Variants in SPSB1 observed in about 807,000 individuals in gnomAD.
SPSB1 encodes splA/ryanodine receptor domain and SOCS box containing 1.
In SPSB1, 8 loss-of-function variants were observed where a neutral mutation model predicts 21.2. That is an observed-to-expected ratio of 0.38 (90% CI 0.22 to 0.68). The LOEUF is 0.68. Ranked by LOEUF, SPSB1 falls within the 30% of genes least tolerant of loss-of-function variation. The pLI, the probability that SPSB1 is intolerant of heterozygous loss-of-function variation, is 0.53. For missense variants in SPSB1, 242 were observed against 377.8 expected, an observed-to-expected ratio of 0.64 and a Z score of 2.98; for synonymous variants, 169 against 161.7, an observed-to-expected ratio of 1.05 and a Z score of -0.34.
At chr1:9,328,582 CG>C in intron 1 of SPSB1, among the ~76,000 whole-genome samples, 1 of 152,340 alleles carries the variant, frequency 6.6e-6, no homozygotes, top group Middle Eastern at 3.4e-3. Flanking sequence ...ACATCTCGTT[CG>C]GGGTAACCCA....
At position 9,317,835 on chromosome 1, in the gene SPSB1, C is replaced by T. The variant is rs1639639952; in HGVS notation, c.-150+24764C>T. Among the ~76,000 whole-genome samples the T allele has an allele frequency of 1.7e-5, 2 of 114,674 alleles. 1 individual carries two copies. Among genetic ancestry groups the T allele is most frequent in the South Asian group, 6.7e-4 (2 of 2,968 alleles). The allele number at this position is 114,674 out of a possible 152,430, so 75.2% of individuals were successfully genotyped here. A position where few individuals can be genotyped will look rare whatever the true frequency, so the allele number is the denominator to read the frequency against. On this transcript the variant is annotated intron_variant, in intron 1 of 2. Coordinates refer to ENST00000328089, the MANE Select transcript of SPSB1 (RefSeq NM_025106.4). The surrounding 1 kb of genome is among the most constrained non-coding windows in gnomAD (Gnocchi z 4.3). ...AGGTGATTTCCGGTGGCGAGGGAAC[C>T]AATTTTTTTTTTTTTTTTTTTGAGA...
At chr1:9,322,608 G>C (rs531095469) in intron 1 of SPSB1, among the ~76,000 whole-genome samples, 1 of 152,182 alleles carries the variant, frequency 6.6e-6, no homozygotes, top group Non-Finnish European at 1.5e-5. Flanking sequence ...AAGTGGCATC[G>C]TTGCGGACAG....
intron 1 of SPSB1, among the ~76,000 whole-genome samples, chr1:9,328,686 G>A (rs1231357219): frequency 1.3e-5 from 2 of 152,208 alleles, no homozygotes; most frequent in African/African-American, 4.8e-5. Context: ...AGGGTCACAG[G>A]TGTTGGGTCC....
At chr1:9,318,748 C>G (rs536732690) in intron 1 of SPSB1, among the ~76,000 whole-genome samples, 1 of 152,312 alleles carries the variant, frequency 6.6e-6, no homozygotes, top group South Asian at 2.1e-4. Flanking sequence ...AGATCAGGGC[C>G]TCTGTCAGGC....
intron 1 of SPSB1, among the ~76,000 whole-genome samples, chr1:9,316,276 A>G (rs566314823): frequency 6.6e-6 from 1 of 152,136 alleles, no homozygotes; most frequent in Non-Finnish European, 1.5e-5. Flanking sequence ...CCTGTGGGTG[A>G]GTCACCTGCT....
intron 1 of SPSB1, among the ~76,000 whole-genome samples, chr1:9,327,375 G>A (rs1477513756): frequency 2.6e-5 from 4 of 152,140 alleles, no homozygotes; most frequent in Non-Finnish European, 5.9e-5. Flanking sequence ...AAAGTCGATC[G>A]CCAGGCAAGC....
chr1:9,298,256 T>C (rs571966894), intron 1 of SPSB1, among the ~76,000 whole-genome samples: 8 of 152,172 alleles, frequency 5.3e-5, no homozygotes, highest in African/African-American at 1.9e-4. Context: ...AACTTACAGG[T>C]CAAATGAAAA....
rs1330797923 is a variant in SPSB1 at position 9,305,110 on chromosome 1, G to GC, written c.-150+12044dup. 1.3e-5 allele frequency among the ~76,000 whole-genome samples: 2 copies of GC among 152,028 alleles called. No homozygotes were observed. Among genetic ancestry groups the GC allele is most frequent in the Non-Finnish European group, 1.5e-5 (1 of 67,982 alleles). On this transcript the variant is annotated intron_variant, in intron 1 of 2. Transcript: ENST00000328089. The surrounding 1 kb of genome is among the most constrained non-coding windows in gnomAD (Gnocchi z 4.8). Reference sequence around the variant, plus strand: ...TCCCTCTCGCCCTTGTGGCCCATCTGCCCCCTCAGGAGAGTCCCTCTCCTC... The same window carrying GC: ...TCCCTCTCGCCCTTGTGGCCCATCTGCCCCCCTCAGGAGAGTCCCTCTCCTC...
intron 1 of SPSB1, among the ~76,000 whole-genome samples, chr1:9,327,679 C>T (rs1639838858): frequency 6.6e-6 from 1 of 152,170 alleles, no homozygotes; most frequent in African/African-American, 2.4e-5. Flanking sequence ...TGTTTCTTCA[C>T]CATTTCCTAA....
chr1:9,303,837 T>C (rs548957396), intron 1 of SPSB1, among the ~76,000 whole-genome samples: 1 of 152,218 alleles, frequency 6.6e-6, no homozygotes, highest in Non-Finnish European at 1.5e-5. Flanking sequence ...AGATGTCAAC[T>C]TGACTAGACT....
chr1:9,294,168 G>A (rs1207928989), intron 1 of SPSB1, among the ~76,000 whole-genome samples: 1 of 144,290 alleles, frequency 6.9e-6, no homozygotes, highest in African/African-American at 2.5e-5. Flanking sequence ...TTGTGTCTCT[G>A]AGTGTCTGTC....
chr1:9,293,133 G>C lies in SPSB1; in HGVS notation c.-150+62G>C, dbSNP rs1639147867. The C allele has an allele frequency of 1.0e-6, 1 of 975,140 alleles. No individual in the cohort carries two copies. Among genetic ancestry groups the C allele is most frequent in the Non-Finnish European group, 1.2e-6 (1 of 822,252 alleles). 60.4% of individuals were successfully genotyped at this position (975,140 alleles called of 1,614,324 possible). A position where few individuals can be genotyped will look rare whatever the true frequency, so the allele number is the denominator to read the frequency against. On this transcript the variant is annotated intron_variant, in intron 1 of 2. Transcript: ENST00000328089. The surrounding 1 kb of genome is among the most constrained non-coding windows in gnomAD (Gnocchi z 5.1). ...GGCGACCGGCCCGGGAGGGGGAGGC[G>C]CGGGGGGCCGGGCGAGGGCGGACGC...
intron 1 of SPSB1, among the ~76,000 whole-genome samples, chr1:9,319,410 T>G (rs966462823): frequency 6.6e-6 from 1 of 152,010 alleles, no homozygotes; most frequent in Non-Finnish European, 1.5e-5. Context: ...TCCTCCCTCC[T>G]CCTTCCTCCC....
chr1:9,318,429 C>T (rs983364988), intron 1 of SPSB1, among the ~76,000 whole-genome samples: 8 of 152,208 alleles, frequency 5.3e-5, no homozygotes, highest in African/African-American at 9.6e-5. Context: ...CCTCTCCTAT[C>T]GCCCACGAAG....
chr1:9,322,576 A>C (rs1639737952), intron 1 of SPSB1, among the ~76,000 whole-genome samples: 1 of 152,090 alleles, frequency 6.6e-6, no homozygotes, highest in Non-Finnish European at 1.5e-5. Flanking sequence ...GTAGCTGATG[A>C]GTTTTCTTTC....
At position 9,367,040 on chromosome 1, in the gene SPSB1, GT is replaced by G. The variant is rs1557469530; in HGVS notation, c.695-407del. 3.3e-5 allele frequency among the ~76,000 whole-genome samples: 5 copies of G among 152,248 alleles called. No homozygotes were observed. Among genetic ancestry groups the G allele is most frequent in the African/African-American group, 9.6e-5 (4 of 41,466 alleles). On this transcript the variant is annotated intron_variant, in intron 2 of 2. Coordinates refer to ENST00000328089, the MANE Select transcript of SPSB1 (RefSeq NM_025106.4). This position sits in a 1 kb window ranked among gnomAD's most constrained non-coding sequence, Gnocchi z 5.9. ...GCAGCTGCTTGCCTGGACAGGCAGAGTCACCAGTGGGGAAGAGCAGGGATCG... is the reference window on the plus strand; with the variant it reads ...GCAGCTGCTTGCCTGGACAGGCAGAGCACCAGTGGGGAAGAGCAGGGATCG...
intron 1 of SPSB1, among the ~76,000 whole-genome samples, chr1:9,328,983 C>A (rs901222485): frequency 6.6e-6 from 1 of 152,206 alleles, no homozygotes; most frequent in Non-Finnish European, 1.5e-5. Context: ...TAAAATCACC[C>A]AGGTTGAAAA....
chr1:9,312,053 A>G (rs1440604196), intron 1 of SPSB1, among the ~76,000 whole-genome samples: 3 of 151,796 alleles, frequency 2.0e-5, no homozygotes, highest in Admixed American at 6.6e-5. Flanking sequence ...GCGTGATCAT[A>G]GCTCACTGCA....
In SPSB1 at chr1:9,356,049, T is replaced by C; in HGVS notation, c.158T>C (p.Leu53Pro). The C allele has an allele frequency of 6.2e-7, 1 of 1,614,108 alleles. No homozygotes were observed. Among genetic ancestry groups the C allele is most frequent in the Non-Finnish European group, 8.5e-7 (1 of 1,179,994 alleles). ...MPPVSYDVQL[L>P]HSWNNNDRSL... ...CCTGTGTCCTATGATGTCCAGCTGC[T>C]GCATTCATGGAACAACAACGACCGA... is the stretch of plus-strand genomic sequence containing the variant. The change falls in exon 2 of 3, where the codon CTG becomes CCG. Residue 53 changes from leucine to proline, a missense_variant. Leu to Pro is a moderately conservative substitution (Grantham distance 98). Coordinates refer to ENST00000328089, the MANE Select transcript of SPSB1 (RefSeq NM_025106.4). The surrounding 1 kb of genome is among the most constrained non-coding windows in gnomAD (Gnocchi z 7.4).
Sources: allele counts gnomAD v4.1 joint callset (sites outside exome capture counted in the v4.1 genomes callset), GRCh38; gene constraint gnomAD v4.1.1; non-coding constraint Gnocchi (gnomAD v3.1); transcripts MANE v1.5; gene names NCBI Gene and HGNC (gene_info 2026-07-23, HGNC 2026-07-21).